The following RIN3 variants were observed in gnomAD, a reference collection of about 807,000 sequenced individuals.
RIN3 encodes the protein Ras and Rab interactor 3, also known as RAB5 interacting protein 3.
A neutral mutation model predicts 76.3 loss-of-function variants in RIN3; 54 were observed. That is an observed-to-expected ratio of 0.71 (90% CI 0.57 to 0.89). The LOEUF (loss-of-function observed/expected upper bound fraction) is 0.89, where lower values mean the gene tolerates loss of function less well. Among genes scored for constraint, RIN3 ranks in the 40% least tolerant of loss-of-function variants. The probability of loss-of-function intolerance (pLI) is 0.00; values close to 1 mark genes in which losing one functional copy is unlikely to be tolerated. For missense variants in RIN3, 1,256 were observed against 1,322.1 expected (o/e 0.95, Z 0.78); for synonymous variants, 576 against 564.0 (o/e 1.02, Z -0.30).
At chr14:92,592,171 G>A (rs1884999520) in intron 3 of RIN3, among the ~76,000 whole-genome samples, 1 of 152,102 alleles carries the variant, frequency 6.6e-6, no homozygotes, top group African/African-American at 2.4e-5. Flanking sequence ...GGAGGCCGAG[G>A]CAGGTGGATC....
chr14:92,522,779 T>A (rs1438167005), intron 1 of RIN3, among the ~76,000 whole-genome samples: 1 of 152,214 alleles, frequency 6.6e-6, no homozygotes, highest in Non-Finnish European at 1.5e-5. Flanking sequence ...AAGTTTTAGC[T>A]GAACATTTCC....
At chr14:92,517,316 A>G (rs1304952496) in intron 1 of RIN3, among the ~76,000 whole-genome samples, 1 of 152,218 alleles carries the variant, frequency 6.6e-6, no homozygotes, top group African/African-American at 2.4e-5. Context: ...GTTATCAGAT[A>G]ACAGGGGTTG....
chr14:92,626,116 C>T (rs1886343370), intron 4 of RIN3, among the ~76,000 whole-genome samples: 1 of 152,314 alleles, frequency 6.6e-6, no homozygotes, highest in East Asian at 1.9e-4. Context: ...AGATTCTGAG[C>T]ATGGGGCACT....
chr14:92,660,589 G>A (rs1448381643), intron 7 of RIN3, among the ~76,000 whole-genome samples: 1 of 152,248 alleles, frequency 6.6e-6, no homozygotes, highest in Non-Finnish European at 1.5e-5. Context: ...CCCAAGAGAA[G>A]AAGCAAAGCC....
At chr14:92,615,921 A>T (rs1045252701) in intron 4 of RIN3, 1 of 164,428 alleles carries the variant, frequency 6.1e-6, no homozygotes, top group African/African-American at 2.4e-5. Context: ...CTGCCTGTTT[A>T]TTCAGAACTG....
At chr14:92,601,341 C>T (rs544809114) in intron 3 of RIN3, among the ~76,000 whole-genome samples, 1 of 152,158 alleles carries the variant, frequency 6.6e-6, no homozygotes, top group Non-Finnish European at 1.5e-5. Flanking sequence ...GTCAGAACCG[C>T]CCAAGGCCAC....
At chr14:92,573,423 G>A (rs564191544) in intron 2 of RIN3, among the ~76,000 whole-genome samples, 4 of 152,264 alleles carry the variant, frequency 2.6e-5, no homozygotes, top group Admixed American at 2.6e-4. Flanking sequence ...TTATTTCAGA[G>A]GCATGATTGA....
At chr14:92,560,903 C>T (rs965118155) in intron 2 of RIN3, among the ~76,000 whole-genome samples, 4 of 148,536 alleles carry the variant, frequency 2.7e-5, no homozygotes, top group African/African-American at 9.9e-5. Flanking sequence ...GCCTGTAATC[C>T]CAGCTACTCA....
intron 1 of RIN3, among the ~76,000 whole-genome samples, chr14:92,517,918 A>G (rs1016214107): frequency 2.0e-5 from 3 of 152,194 alleles, no homozygotes; most frequent in African/African-American, 7.2e-5. Flanking sequence ...CTCAGGTGAC[A>G]TGCTGTCCTA....
At position 92,568,209 on chromosome 14, in the gene RIN3, C is replaced by A. The variant is rs1403630529; in HGVS notation, c.250-9151C>A. On this transcript the variant is annotated intron_variant, in intron 2 of 9. Coordinates refer to ENST00000216487, the MANE Select transcript of RIN3 (RefSeq NM_024832.5). This position sits in a 1 kb window ranked among gnomAD's most constrained non-coding sequence, Gnocchi z 4.2. The stretch of plus-strand genomic sequence containing the variant: ...AACCCCAAAGGTGTTGGAGAAAGGG[C>A]TCTGGGTGGTCCTTCGGCTCCCCAT... 6.6e-6 allele frequency among the ~76,000 whole-genome samples: 1 copy of A among 152,138 alleles called. No individual in the cohort carries two copies. Among genetic ancestry groups the A allele is most frequent in the African/African-American group, 2.4e-5 (1 of 41,408 alleles).
Position 92,555,803 on chromosome 14 carries a change from C to T in RIN3, c.97C>T (p.Arg33Trp), listed in dbSNP as rs145543877. ...GEEEEEEDGM[R>W]LCLPANPKNC... Reference sequence around the variant, plus strand: ...GGAAGAGGAAGAGGAAGATGGCATGCGGCTTTGTCTGCCAGCCAACCCGAA... The same window carrying T: ...GGAAGAGGAAGAGGAAGATGGCATGTGGCTTTGTCTGCCAGCCAACCCGAA... The change falls in exon 2 of 10, where the codon CGG (arginine) becomes TGG (tryptophan). Residue 33 changes from arginine (R) to tryptophan (W), a missense_variant. Arg to Trp is a moderately radical substitution (Grantham distance 101). Coordinates refer to ENST00000216487, the MANE Select transcript of RIN3 (RefSeq NM_024832.5). 59 of 1,614,142 alleles carry T rather than the reference C, an allele frequency of 3.7e-5. No individual in the cohort carries two copies. The highest frequency in any genetic ancestry group is 1.1e-4 in the South Asian group (10 of 91,082).
At chr14:92,612,383 T>C (rs951742942) in intron 3 of RIN3, among the ~76,000 whole-genome samples, 4 of 152,112 alleles carry the variant, frequency 2.6e-5, no homozygotes, top group African/African-American at 9.7e-5. Context: ...TCACCTTTGT[T>C]CTAGAAAGGT....
chr14:92,671,827 A>G (rs2140164374), intron 7 of RIN3, among the ~76,000 whole-genome samples: 1 of 152,322 alleles, frequency 6.6e-6, no homozygotes, highest in Non-Finnish European at 1.5e-5. Context: ...TGTCATCAGC[A>G]CCAGTGTTGC....
chr14:92,600,691 C>T (rs1885311860), intron 3 of RIN3, among the ~76,000 whole-genome samples: 1 of 152,224 alleles, frequency 6.6e-6, no homozygotes, highest in Non-Finnish European at 1.5e-5. Flanking sequence ...CATGGCACTC[C>T]TGGGCTCCTG....
At chr14:92,637,401 C>A (rs138521417) in intron 4 of RIN3, among the ~76,000 whole-genome samples, 6 of 152,102 alleles carry the variant, frequency 3.9e-5, no homozygotes, top group Non-Finnish European at 7.4e-5. Context: ...AGGCTGTATG[C>A]GAGCGATGGG....
chr14:92,603,100 G>A (rs1441524558), intron 3 of RIN3, among the ~76,000 whole-genome samples: 4 of 152,218 alleles, frequency 2.6e-5, no homozygotes, highest in Non-Finnish European at 4.4e-5. Context: ...GCCCTGGTGG[G>A]TGGAGACCAG....
rs369913502 is a variant in RIN3, at chr14:92,676,541, C to G, written c.2402C>G (p.Thr801Arg). 1 of 1,614,140 alleles carries G rather than the reference C, an allele frequency of 6.2e-7. No individual in the cohort carries two copies. The highest frequency in any genetic ancestry group is 2.2e-5 in the East Asian group (1 of 44,890). Residue 801 changes from threonine to arginine, a missense_variant, in exon 8 of 10, where the codon ACG (threonine) becomes AGG (arginine). By Grantham distance (71) the Thr-to-Arg change is moderately conservative (BLOSUM62 -1). This residue lies in a region of RIN3 where 428 missense variants were observed against 521.2 expected (regional missense o/e 0.82). Coordinates refer to ENST00000216487, the MANE Select transcript of RIN3 (RefSeq NM_024832.5). ...TATGTGCTGGCCCGCAGCAACCTCACGGAGATGCTTCTCAATGTGGAGTAC... is the reference window on the plus strand; with the variant it reads ...TATGTGCTGGCCCGCAGCAACCTCAGGGAGATGCTTCTCAATGTGGAGTAC... Reference protein sequence around the residue: ...LMYVLARSNLTEMLLNVEYMM... With the variant: ...LMYVLARSNLREMLLNVEYMM...
At chr14:92,611,130 G>T (rs1205586667) in intron 3 of RIN3, among the ~76,000 whole-genome samples, 1 of 152,188 alleles carries the variant, frequency 6.6e-6, no homozygotes, top group African/African-American at 2.4e-5. Flanking sequence ...TCCTTCTGGA[G>T]ACTGCGGAAG....
chr14:92,658,064 C>T (rs1887734889), intron 6 of RIN3, among the ~76,000 whole-genome samples: 1 of 152,172 alleles, frequency 6.6e-6, no homozygotes, highest in East Asian at 1.9e-4. Context: ...TACAGTCACC[C>T]AAAGCAACTG....
Sources: gnomAD v4.1 joint callset for allele counts (sites outside exome capture counted in the v4.1 genomes callset) on GRCh38, gnomAD v4.1.1 for gene constraint, gnomAD v4.1.1 regional missense constraint, Gnocchi (gnomAD v3.1) non-coding constraint, MANE v1.5 for transcripts, NCBI Gene and HGNC (gene_info 2026-07-23, HGNC 2026-07-21) for gene names.